SLC6A20: variants seen among roughly 807,000 people sequenced by gnomAD.
SLC6A20 encodes sodium- and chloride-dependent transporter XTRP3.
Under a neutral mutation model 64.3 loss-of-function variants are expected in SLC6A20, and 73 were observed. That is an observed-to-expected ratio of 1.14 (90% CI 0.94 to 1.38). The LOEUF (loss-of-function observed/expected upper bound fraction) is 1.38, where lower values mean the gene tolerates loss of function less well. Ranked by LOEUF, SLC6A20 falls within the 40% of genes most tolerant of loss-of-function variation. The probability of loss-of-function intolerance (pLI) is 0.00; values close to 1 mark genes in which losing one functional copy is unlikely to be tolerated. For missense variants in SLC6A20, 725 were observed against 772.8 expected (o/e 0.94, Z 0.73); for synonymous variants, 347 against 329.6 (o/e 1.05, Z -0.57).
chr3:45,787,727 C>T (rs1034569390), intron 1 of SLC6A20, among the ~76,000 whole-genome samples: 4 of 152,186 alleles, frequency 2.6e-5, no homozygotes, highest in African/African-American at 7.2e-5. Flanking sequence ...GCTCTGTCCA[C>T]ACCTCCAACT....
At chr3:45,794,864 C>T (rs967729025) in intron 1 of SLC6A20, among the ~76,000 whole-genome samples, 2 of 152,172 alleles carry the variant, frequency 1.3e-5, no homozygotes, top group Admixed American at 1.3e-4. Flanking sequence ...GCTGTTAGAG[C>T]ATATGGCAAC....
At chr3:45,779,676 C>G (rs996831616) in intron 3 of SLC6A20, among the ~76,000 whole-genome samples, 1 of 152,282 alleles carries the variant, frequency 6.6e-6, no homozygotes, top group Middle Eastern at 3.4e-3. Flanking sequence ...AGATTTCCTC[C>G]TAGGCACACT....
chr3:45,779,934 C>A (rs918779355), intron 3 of SLC6A20, 75 bp downstream of exon 3: 3 of 1,477,836 alleles, frequency 2.0e-6, no homozygotes, highest in Non-Finnish European at 2.8e-6. Context: ...ACACCCCCTT[C>A]CCCGAGCGGG....
intron 3 of SLC6A20, among the ~76,000 whole-genome samples, chr3:45,776,985 G>A: frequency 6.6e-6 from 1 of 152,184 alleles, no homozygotes; most frequent in East Asian, 1.9e-4. Flanking sequence ...GGTAAACAGT[G>A]GTGCTGAGAT....
At chr3:45,794,023 C>T (rs754619780) in intron 1 of SLC6A20, among the ~76,000 whole-genome samples, 19 of 152,118 alleles carry the variant, frequency 1.2e-4, no homozygotes, top group Non-Finnish European at 2.4e-4. Flanking sequence ...GAGGTTGGGC[C>T]GGGCGGAGAC....
rs1166091154 is a variant in SLC6A20 at position 45,758,267 on chromosome 3, T to C, written c.*711A>G. 2 of 349,178 alleles carry C rather than the reference T, an allele frequency of 5.7e-6. No individual in the cohort carries two copies. The highest frequency in any genetic ancestry group is 4.5e-5 in the African/African-American group (2 of 44,056). The allele number at this position is 349,178 out of a possible 1,614,324, so 21.6% of individuals were successfully genotyped here. Reference sequence around the variant, plus strand: ...CAGTGGCTCCTGACTCCTTTTCCAATGCACCAAGACACACACCACGGAGGG... The same window carrying C: ...CAGTGGCTCCTGACTCCTTTTCCAACGCACCAAGACACACACCACGGAGGG... On this transcript the variant is annotated 3_prime_UTR_variant, in exon 11 of 11. Coordinates refer to ENST00000358525, the MANE Select transcript of SLC6A20 (RefSeq NM_020208.4).
At chr3:45,759,495 G>A (rs762856199) in intron 10 of SLC6A20, among the ~76,000 whole-genome samples, 17 of 152,352 alleles carry the variant, frequency 1.1e-4, no homozygotes, top group Non-Finnish European at 1.8e-4. Context: ...GGACTTTCCC[G>A]TGAAGGTAGC....
chr3:45,782,111 C>T lies in SLC6A20; in HGVS notation c.234G>A (p.Arg78=), dbSNP rs934700243. 6 of 1,612,692 alleles carry T rather than the reference C, an allele frequency of 3.7e-6. No homozygotes were observed. Among genetic ancestry groups the T allele is most frequent in the Admixed American group, 1.7e-5 (1 of 59,836 alleles). The stretch of plus-strand genomic sequence containing the variant: ...CACCACTGAGGTACGGGCTGATGGT[C>T]CTCCAGGCGCCGATGCTGCCCTGCC... The part of the protein sequence containing the change: ...RMRQGSIGAW[R]TISPYLSGVG... The change falls in exon 2 of 11, where the codon AGG becomes AGA. Residue 78 remains arginine, a synonymous_variant. Coordinates refer to ENST00000358525, the MANE Select transcript of SLC6A20 (RefSeq NM_020208.4).
chr3:45,772,496 A>G lies in SLC6A20; in HGVS notation c.693+9T>C. ...GGTGCCCGTAGGGCCCTTCCGCTTC[A>G]GCCCGTACCTTGGGAGTGAACATGT... On this transcript the variant is annotated intron_variant, in intron 5 of 10. Coordinates refer to ENST00000358525, the MANE Select transcript of SLC6A20 (RefSeq NM_020208.4). 1 of 1,609,222 alleles carries G rather than the reference A, an allele frequency of 6.2e-7. No homozygotes were observed. Among genetic ancestry groups the G allele is most frequent in the Non-Finnish European group, 8.5e-7 (1 of 1,177,910 alleles).
At chr3:45,782,280 C>T in intron 1 of SLC6A20, 57 bp from the exon 2 acceptor site, 1 of 1,555,606 alleles carries the variant, frequency 6.4e-7, no homozygotes, top group Non-Finnish European at 8.7e-7. Context: ...TCTCCACGAC[C>T]ACTCAACCTC....
intron 1 of SLC6A20, among the ~76,000 whole-genome samples, chr3:45,790,734 G>C (rs551040201): frequency 6.6e-6 from 1 of 152,270 alleles, no homozygotes; most frequent in Non-Finnish European, 1.5e-5. Context: ...AGCTCTGACT[G>C]TGCCACTTCC....
intron 7 of SLC6A20, among the ~76,000 whole-genome samples, chr3:45,767,625 G>T (rs1476771128): frequency 6.6e-6 from 1 of 152,142 alleles, no homozygotes; most frequent in East Asian, 1.9e-4. Context: ...CAGAGACAAC[G>T]ATTATGAGAT....
chr3:45,772,708 A>G (rs1392662427), intron 4 of SLC6A20, 93 bp from the exon 5 acceptor site: 2 of 979,584 alleles, frequency 2.0e-6, no homozygotes, highest in African/African-American at 1.6e-5. Flanking sequence ...TGGGGTATTC[A>G]GGCTGCACCG....
rs1351315657 is a variant in SLC6A20 at position 45,780,020 on chromosome 3, G to T, written c.343C>A (p.His115Asn). ...GCCCCCCGGCTCACCTGGAAGGAGT[G>T]GAAGAGGTACCAGAAGGCCCAGGCG... ...INAWAFWYLF[H>N]SFQDPLPWSV... Residue 115 changes from histidine to asparagine, a missense_variant, in exon 3 of 11, where the codon CAC becomes AAC. Coordinates refer to ENST00000358525, the MANE Select transcript of SLC6A20 (RefSeq NM_020208.4). The T allele has an allele frequency of 6.2e-7, 1 of 1,602,924 alleles. No homozygotes were observed. The highest frequency in any genetic ancestry group is 8.5e-7 in the Non-Finnish European group (1 of 1,174,576).
intron 7 of SLC6A20, among the ~76,000 whole-genome samples, chr3:45,768,021 G>A (rs578016982): frequency 4.7e-4 from 72 of 152,324 alleles, no homozygotes; most frequent in Non-Finnish European, 8.1e-4. Flanking sequence ...ATGCTGGGAT[G>A]CAAGAAAGAA....
intron 1 of SLC6A20, chr3:45,790,522 C>T (rs1464815830): frequency 1.3e-5 from 2 of 152,200 alleles, no homozygotes; most frequent in Non-Finnish European, 2.9e-5. Flanking sequence ...ACCCAGTCAA[C>T]CTTTTGAAAA....
rs191823306 is a variant in SLC6A20 at position 45,777,252 on chromosome 3, G to A, written c.355-1264C>T. Among the ~76,000 whole-genome samples, 322 of 152,302 alleles carry A rather than the reference G, an allele frequency of 2.1e-3. 2 individuals are homozygous for A. The highest frequency in any genetic ancestry group is 6.4e-3 in the South Asian group (31 of 4,822). On this transcript the variant is annotated intron_variant, in intron 3 of 10. Coordinates refer to ENST00000358525, the MANE Select transcript of SLC6A20 (RefSeq NM_020208.4). ...ATGGCTACTGTGCCAGTAGGCAGCT[G>A]GAGCCCAGGTCTGCACACCCAGACA...
At chr3:45,764,359 A>C (rs1382851687) in intron 8 of SLC6A20, among the ~76,000 whole-genome samples, 1 of 152,226 alleles carries the variant, frequency 6.6e-6, no homozygotes, top group Non-Finnish European at 1.5e-5. Context: ...ATTCTGAGTG[A>C]AGACAATAGA....
chr3:45,769,683 C>A (rs1699828308), intron 7 of SLC6A20, among the ~76,000 whole-genome samples: 2 of 151,864 alleles, frequency 1.3e-5, no homozygotes, highest in South Asian at 4.1e-4. Context: ...CATAGGAGTG[C>A]AAAAGGCTTG....
Sources: allele counts gnomAD v4.1 joint callset (sites outside exome capture counted in the v4.1 genomes callset), GRCh38; gene constraint gnomAD v4.1.1; transcripts MANE v1.5; gene names NCBI Gene and HGNC (gene_info 2026-07-23, HGNC 2026-07-21).